The following TTC21B variants were observed in gnomAD, a reference collection of about 807,000 sequenced individuals.
The protein encoded by TTC21B is tetratricopeptide repeat domain 21B.
TTC21B carries 127 observed loss-of-function variants against 175.1 expected under a neutral mutation model. That is an observed-to-expected ratio of 0.73 (90% confidence interval 0.63 to 0.84). The LOEUF (loss-of-function observed/expected upper bound fraction) is 0.84. Ranked by LOEUF, TTC21B falls within the 40% of genes least tolerant of loss-of-function variation. The pLI, the probability that TTC21B is intolerant of heterozygous loss-of-function variation, is 0.00. For synonymous variants in TTC21B, 524 were observed against 524.5 expected (o/e 1.00, Z 0.01); for missense variants, 1,561 against 1,558.3 (o/e 1.00, Z -0.03).
chr2:165,949,344 A>C (rs1215283993), intron 3 of TTC21B, 50 bp downstream of exon 3: 4 of 1,376,198 alleles, frequency 2.9e-6, no homozygotes, highest in Non-Finnish European at 4.1e-6. Context: ...AAAAATAAAA[A>C]TAAACTGAAT....
intron 22 of TTC21B, among the ~76,000 whole-genome samples, chr2:165,895,193 A>G (rs1685321983): frequency 6.6e-6 from 1 of 152,136 alleles, no homozygotes; most frequent in African/African-American, 2.4e-5. Context: ...AACCCAAGCA[A>G]AGACTTGGAA....
In TTC21B at chr2:165,898,782, G is replaced by C; in HGVS notation, c.2869-15C>G. On this transcript the variant is annotated splice_polypyrimidine_tract_variant and intron_variant, in intron 21 of 28. Transcript: ENST00000243344. The stretch of plus-strand genomic sequence containing the variant: ...TCAGCCATCATCTATAAAGATAAAA[G>C]TTGGTTCTAAAAATATTGCCATGTA... 1 of 1,574,964 alleles carries C rather than the reference G, an allele frequency of 6.3e-7. No homozygotes were observed. Among genetic ancestry groups the C allele is most frequent in the East Asian group, 2.2e-5 (1 of 44,606 alleles).
At chr2:165,877,127 C>T (rs996212160) in intron 27 of TTC21B, among the ~76,000 whole-genome samples, 4 of 152,098 alleles carry the variant, frequency 2.6e-5, no homozygotes, top group Non-Finnish European at 1.5e-5. Flanking sequence ...GTAACAGCAG[C>T]TGTGCACGCA....
At chr2:165,889,222 A>C (rs13397332) in intron 24 of TTC21B, among the ~76,000 whole-genome samples, 6,567 of 152,252 alleles carry the variant, frequency 0.043, 458 homozygotes, top group African/African-American at 0.15. Context: ...CCTTAGGCTT[A>C]TCTTGCCTAA....
chr2:165,916,504 A>G (rs1167060213), intron 14 of TTC21B, among the ~76,000 whole-genome samples: 1 of 152,120 alleles, frequency 6.6e-6, no homozygotes, highest in Non-Finnish European at 1.5e-5. Context: ...TAATATTCCT[A>G]TGAGTTTACC....
At chr2:165,939,282 G>A (rs1289985495) in intron 6 of TTC21B, among the ~76,000 whole-genome samples, 1 of 152,140 alleles carries the variant, frequency 6.6e-6, no homozygotes, top group African/African-American at 2.4e-5. Context: ...TATTTTGTCA[G>A]ATATGAATAA....
chr2:165,878,143 C>A (rs1684728682), intron 27 of TTC21B, among the ~76,000 whole-genome samples: 1 of 152,068 alleles, frequency 6.6e-6, no homozygotes, highest in Non-Finnish European at 1.5e-5. Context: ...TTTTTAAAAC[C>A]TTAGAATACC....
At chr2:165,951,701 T>A (rs1687767142) in intron 1 of TTC21B, among the ~76,000 whole-genome samples, 1 of 152,228 alleles carries the variant, frequency 6.6e-6, no homozygotes. Context: ...ACCCAGGCAC[T>A]GGGCTAGCTA....
intron 11 of TTC21B, among the ~76,000 whole-genome samples, chr2:165,927,317 TATA>T (rs1233252627): frequency 1.8e-5 from 1 of 55,562 alleles, no homozygotes; most frequent in African/African-American, 4.8e-5. Flanking sequence ...TTATATATTA[TATA>T]ATATATATAT....
At chr2:165,881,953 A>G (rs1684849830) in intron 26 of TTC21B, among the ~76,000 whole-genome samples, 1 of 152,080 alleles carries the variant, frequency 6.6e-6, no homozygotes, top group African/African-American at 2.4e-5. Context: ...CCAATTACCC[A>G]TTTTTTAAAA....
intron 25 of TTC21B, among the ~76,000 whole-genome samples, chr2:165,887,683 G>A (rs1483013093): frequency 2.7e-5 from 4 of 150,836 alleles, no homozygotes; most frequent in Non-Finnish European, 5.9e-5. Context: ...GCAAAACTCC[G>A]ACTCAAAAAA....
chr2:165,892,984 C>T (rs1196011247), intron 22 of TTC21B, among the ~76,000 whole-genome samples: 4 of 152,102 alleles, frequency 2.6e-5, no homozygotes, highest in African/African-American at 9.7e-5. Context: ...TATCATTTGT[C>T]CCCTTGACAC....
intron 2 of TTC21B, 21 bp downstream of exon 2, chr2:165,949,574 T>C: frequency 3.1e-6 from 5 of 1,613,804 alleles, no homozygotes; most frequent in Non-Finnish European, 4.2e-6. Flanking sequence ...TGATGGAACA[T>C]GTTTAATGAT....
Position 165,884,115 on chromosome 2 carries a change from G to A in TTC21B, c.3460-97C>T. 4.2e-6 allele frequency: 4 copies of A among 946,756 alleles called. No homozygotes were observed. In the South Asian group the frequency reaches 5.5e-5, roughly 13 times the overall value. The allele number at this position is 946,756 out of a possible 1,614,324, so 58.6% of individuals were successfully genotyped here. On this transcript the variant is annotated intron_variant, in intron 25 of 28. Transcript: ENST00000243344. ...AAATGCTACATAAGAACTAGTTTGTGGATTCTATTTCTAGCTCCATTACAG... is the reference window on the plus strand; with the variant it reads ...AAATGCTACATAAGAACTAGTTTGTAGATTCTATTTCTAGCTCCATTACAG...
chr2:165,912,533 T>C lies in TTC21B; in HGVS notation c.2303A>G (p.Lys768Arg), dbSNP rs764920308. Reference sequence around the variant, plus strand: ...ACTTACCATTGAGTAGTTATGAGTTTTGATAAGTGCTTTGCCCATTTTGCT... The same window carrying C: ...ACTTACCATTGAGTAGTTATGAGTTCTGATAAGTGCTTTGCCCATTTTGCT... ...LASKMGKALI[K>R]THNYSMAITY... is the part of the protein sequence containing the mutation. The change falls in exon 17 of 29, where the codon AAA becomes AGA. Residue 768 changes from lysine (K) to arginine (R), a missense_variant. Lys to Arg is a conservative substitution (Grantham distance 26, BLOSUM62 2). Transcript: ENST00000243344. 3.7e-6 allele frequency: 6 copies of C among 1,613,930 alleles called. No homozygotes were observed. The East Asian group carries it at 1.1e-4, about 30-fold the overall frequency.
intron 6 of TTC21B, among the ~76,000 whole-genome samples, chr2:165,940,045 A>G (rs1687306576): frequency 6.6e-6 from 1 of 152,176 alleles, no homozygotes; most frequent in Non-Finnish European, 1.5e-5. Flanking sequence ...TGAACACTTC[A>G]CAACAGTTCA....
intron 6 of TTC21B, among the ~76,000 whole-genome samples, chr2:165,937,157 C>T (rs1687179882): frequency 6.6e-6 from 1 of 151,820 alleles, no homozygotes; most frequent in African/African-American, 2.4e-5. Flanking sequence ...AAGTTAAATG[C>T]ATAATACTAA....
chr2:165,883,855 A>C lies in TTC21B; in HGVS notation c.3623T>G (p.Ile1208Ser), dbSNP rs189519760. 108 of 1,614,068 alleles carry C rather than the reference A, an allele frequency of 6.7e-5. No homozygotes were observed. In the Middle Eastern group the frequency reaches 9.9e-4, roughly 15 times the overall value. Residue 1208 changes from isoleucine to serine, a missense_variant, in exon 26 of 29, where the codon ATT becomes AGT. Coordinates refer to ENST00000243344, the MANE Select transcript of TTC21B (RefSeq NM_024753.5). Reference sequence around the variant, plus strand: ...TGCCATGTCATATTTTGCTGATTGAATGTAAATATCAGCAAGTAGCAGCCA... The same window carrying C: ...TGCCATGTCATATTTTGCTGATTGACTGTAAATATCAGCAAGTAGCAGCCA... ...KSWLLLADIY[I>S]QSAKYDMAED... is the part of the protein sequence containing the mutation.
intron 1 of TTC21B, among the ~76,000 whole-genome samples, chr2:165,953,424 ACAAC>A (rs1687821165): frequency 6.6e-6 from 1 of 152,314 alleles, no homozygotes; most frequent in East Asian, 1.9e-4. Flanking sequence ...AAAAGTAAAC[ACAAC>A]CAACAGCATG....
Sources: gnomAD v4.1 joint callset for allele counts (sites outside exome capture counted in the v4.1 genomes callset) on GRCh38, gnomAD v4.1.1 for gene constraint, MANE v1.5 for transcripts, NCBI Gene and HGNC (gene_info 2026-07-23, HGNC 2026-07-21) for gene names.